Variants in RSPO4 observed in about 807,000 individuals in gnomAD.
The protein encoded by RSPO4 is R-spondin-4.
In RSPO4, 23 loss-of-function variants were observed where a neutral mutation model predicts 24.8. That is an observed-to-expected ratio of 0.93 (90% CI 0.67 to 1.31). RSPO4 has a LOEUF of 1.31. Among genes scored for constraint, RSPO4 ranks in the 40% most tolerant of loss-of-function variants. The pLI is 0.00. For synonymous variants in RSPO4, 141 were observed against 127.4 expected (o/e 1.11, Z -0.72); for missense variants, 333 against 316.5 (o/e 1.05, Z -0.39).
chr20:995,405 G>T (rs959077231), intron 1 of RSPO4, among the ~76,000 whole-genome samples: 1 of 152,166 alleles, frequency 6.6e-6, no homozygotes, highest in Admixed American at 6.5e-5. Flanking sequence ...TCTGTAAGCT[G>T]GCGGTAGAGG....
At chr20:990,234 G>A (rs184762131) in intron 1 of RSPO4, among the ~76,000 whole-genome samples, 3 of 152,252 alleles carry the variant, frequency 2.0e-5, no homozygotes, top group East Asian at 1.9e-4. Flanking sequence ...CTCAGGTCCC[G>A]AGGCACACCA....
At chr20:990,579 CCTCT>C (rs1048101063) in intron 1 of RSPO4, among the ~76,000 whole-genome samples, 16 of 150,490 alleles carry the variant, frequency 1.1e-4, no homozygotes, top group Admixed American at 2.7e-4. Context: ...TCTCTCTTTC[CCTCT>C]CTCTCTTCCT....
intron 1 of RSPO4, among the ~76,000 whole-genome samples, chr20:978,363 G>A (rs572227092): frequency 9.8e-5 from 15 of 152,302 alleles, no homozygotes; most frequent in Non-Finnish European, 1.5e-4. Flanking sequence ...CACAGCTCAC[G>A]GCAGATGAAT....
intron 1 of RSPO4, among the ~76,000 whole-genome samples, chr20:990,558 C>G (rs1985067617): frequency 6.7e-6 from 1 of 149,252 alleles, no homozygotes; most frequent in Non-Finnish European, 1.5e-5. Flanking sequence ...TTCTTTCTTT[C>G]TCAGTCTCTC....
At chr20:968,169 G>A in intron 1 of RSPO4, 31 bp from the exon 2 acceptor site, 3 of 1,601,134 alleles carry the variant, frequency 1.9e-6, no homozygotes, top group Non-Finnish European at 2.6e-6. Flanking sequence ...GAAGGAGGGG[G>A]AAAGGGAGAG....
At chr20:982,599 G>A (rs986602965) in intron 1 of RSPO4, among the ~76,000 whole-genome samples, 1 of 152,126 alleles carries the variant, frequency 6.6e-6, no homozygotes. Flanking sequence ...GTCTCCTCAG[G>A]GCTGCAAAGT....
rs921231537 is a variant in RSPO4 at position 968,113 on chromosome 20, G to GCA, written c.103_104dup (p.Thr36AlafsTer191). The GCA allele has an allele frequency of 7.4e-6, 12 of 1,614,156 alleles. No individual in the cohort carries two copies. Among genetic ancestry groups the GCA allele is most frequent in the Non-Finnish European group, 1.0e-5 (12 of 1,180,032 alleles). On this transcript the variant is annotated frameshift_variant, in exon 2 of 5. Transcript: ENST00000217260. LOFTEE classifies it high-confidence loss of function. ...CCTCTGAGCAGATGATACAGCCTGT[G>GCA]CAGTTGCCCCCCAGGCCAGTGCCCA... is the stretch of plus-strand genomic sequence containing the variant.
intron 1 of RSPO4, among the ~76,000 whole-genome samples, chr20:1,001,027 AC>A (rs1985444348): frequency 6.6e-6 from 1 of 152,138 alleles, no homozygotes; most frequent in Non-Finnish European, 1.5e-5. Context: ...CCTTGCTCAG[AC>A]CCGATGCCAG....
intron 4 of RSPO4, among the ~76,000 whole-genome samples, chr20:961,854 C>CAATG (rs1984010442): frequency 1.3e-5 from 2 of 151,996 alleles, no homozygotes; most frequent in South Asian, 4.2e-4. Context: ...CCTCCATACC[C>CAATG]AATGACCCAT....
At chr20:974,575 C>T (rs1167251222) in intron 1 of RSPO4, among the ~76,000 whole-genome samples, 1 of 152,210 alleles carries the variant, frequency 6.6e-6, no homozygotes, top group East Asian at 1.9e-4. Context: ...GCATCAGGTC[C>T]CCTTGACTAC....
At chr20:961,942 A>T (rs1984013067) in intron 4 of RSPO4, among the ~76,000 whole-genome samples, 1 of 151,446 alleles carries the variant, frequency 6.6e-6, no homozygotes, top group African/African-American at 2.4e-5. Flanking sequence ...CCACCTAATC[A>T]TCCACCTACC....
At chr20:978,561 G>T (rs6077478) in intron 1 of RSPO4, among the ~76,000 whole-genome samples, 28,267 of 152,150 alleles carry the variant, frequency 0.19, 3,456 homozygotes, top group Non-Finnish European at 0.28. Context: ...GCTCAATAAA[G>T]GTTCTCAAAA....
intron 1 of RSPO4, among the ~76,000 whole-genome samples, chr20:976,808 T>A (rs76919996): frequency 0.032 from 4,815 of 151,724 alleles, 205 homozygotes; most frequent in African/African-American, 0.096. Flanking sequence ...ACATTTTTTT[T>A]AAAAAAAACA....
chr20:996,248 A>G (rs1012854007), intron 1 of RSPO4, among the ~76,000 whole-genome samples: 3 of 152,142 alleles, frequency 2.0e-5, no homozygotes, highest in African/African-American at 7.2e-5. Context: ...TTCCGTTACC[A>G]TTCCATTCCA....
chr20:967,995 G>C lies in RSPO4; in HGVS notation c.223C>G (p.Pro75Ala). ...QYGKCLHDCP[P>A]GYFGIRGQEV... ...TGGCCGCGGATGCCGAAGTACCCAG[G>C]GGGACAGTCGTGCAGGCACTTGCCG... is the stretch of plus-strand genomic sequence containing the variant. Residue 75 changes from proline to alanine, a missense_variant, in exon 2 of 5, where the codon CCT (proline) becomes GCT (alanine). Transcript: ENST00000217260. The C allele has an allele frequency of 1.9e-6, 3 of 1,614,248 alleles. No homozygotes were observed. Among genetic ancestry groups the C allele is most frequent in the Non-Finnish European group, 1.7e-6 (2 of 1,180,046 alleles).
intron 1 of RSPO4, among the ~76,000 whole-genome samples, chr20:987,921 G>T (rs1368224749): frequency 6.6e-6 from 1 of 152,272 alleles, no homozygotes; most frequent in Non-Finnish European, 1.5e-5. Context: ...CAGTGAATGA[G>T]ACAGACCTTC....
At chr20:992,887 A>C (rs1985156441) in intron 1 of RSPO4, among the ~76,000 whole-genome samples, 1 of 152,180 alleles carries the variant, frequency 6.6e-6, no homozygotes, top group African/African-American at 2.4e-5. Flanking sequence ...GGGAGAGATG[A>C]CCTGCCCAAG....
intron 1 of RSPO4, among the ~76,000 whole-genome samples, chr20:993,856 G>T (rs138866441): frequency 0.02 from 3,077 of 152,216 alleles, 53 homozygotes; most frequent in Middle Eastern, 0.12. Flanking sequence ...CCCTCAGAGG[G>T]GTGCTGTGAG....
At chr20:979,456 C>T (rs1984671578) in intron 1 of RSPO4, among the ~76,000 whole-genome samples, 1 of 152,234 alleles carries the variant, frequency 6.6e-6, no homozygotes, top group Non-Finnish European at 1.5e-5. Context: ...TGAAGCATTA[C>T]TCTCTACGTA....
Sources: gnomAD v4.1 joint callset for allele counts (sites outside exome capture counted in the v4.1 genomes callset) on GRCh38, gnomAD v4.1.1 for gene constraint, MANE v1.5 for transcripts, NCBI Gene and HGNC (gene_info 2026-07-23, HGNC 2026-07-21) for gene names.